TEX14: variants seen among roughly 807,000 people sequenced by gnomAD.
The protein encoded by TEX14 is testis expressed 14, intercellular bridge forming factor.
TEX14 carries 168 observed loss-of-function variants against 178.6 expected under a neutral mutation model. That is an observed-to-expected ratio of 0.94 (90% confidence interval 0.83 to 1.07). The LOEUF is 1.07. TEX14 is among the 50% of genes least tolerant of loss of function. TEX14 has a pLI of 0.00. For missense variants in TEX14, 1,730 were observed against 1,753.6 expected (o/e 0.99, Z 0.24); for synonymous variants, 626 against 634.1 (o/e 0.99, Z 0.19).
intron 19 of TEX14, 33 bp from the exon 20 acceptor site, chr17:58,579,764 AG>A: frequency 6.5e-7 from 1 of 1,546,970 alleles, no homozygotes; most frequent in Non-Finnish European, 8.9e-7. Flanking sequence ...CAAAGAAAGG[AG>A]GTTCACTGGA....
chr17:58,565,650 G>T, intron 27 of TEX14, 97 bp downstream of exon 27: 1 of 804,480 alleles, frequency 1.2e-6, no homozygotes, highest in Non-Finnish European at 2.1e-6. Flanking sequence ...GTGGAGTTGT[G>T]CCTGACCTCA....
intron 2 of TEX14, chr17:58,631,751 C>G (rs868219921): frequency 2.0e-5 from 3 of 151,864 alleles, no homozygotes; most frequent in Admixed American, 2.0e-4. Flanking sequence ...ACAAATATCT[C>G]CCTCTCGCGG....
intron 15 of TEX14, among the ~76,000 whole-genome samples, chr17:58,589,130 G>A (rs2045056976): frequency 6.6e-6 from 1 of 152,118 alleles, no homozygotes; most frequent in African/African-American, 2.4e-5. Context: ...GGGCATGGTG[G>A]TGCATGCCTG....
At position 58,611,325 on chromosome 17, in the gene TEX14, T is replaced by TG; in HGVS notation, c.1019dup (p.Val341SerfsTer16). On this transcript the variant is annotated frameshift_variant, in exon 10 of 32. Coordinates refer to ENST00000349033, the MANE Select transcript of TEX14 (RefSeq NM_031272.5). LOFTEE classifies it high-confidence loss of function. ...GCACAATCACCTCCATGTGCAGCAC[T>TG]GGGAACTGGGACCGCTGCAAGCAAG... The TG allele has an allele frequency of 1.2e-6, 2 of 1,612,338 alleles. No individual in the cohort carries two copies. Among genetic ancestry groups the TG allele is most frequent in the Non-Finnish European group, 1.7e-6 (2 of 1,179,212 alleles).
At chr17:58,580,781 A>G (rs2144394994) in intron 19 of TEX14, among the ~76,000 whole-genome samples, 1 of 152,348 alleles carries the variant, frequency 6.6e-6, no homozygotes, top group East Asian at 1.9e-4. Flanking sequence ...TACAAATGAA[A>G]ATACTCTGTA....
At chr17:58,630,118 G>A (rs905418612) in intron 3 of TEX14, among the ~76,000 whole-genome samples, 5 of 151,054 alleles carry the variant, frequency 3.3e-5, no homozygotes, top group African/African-American at 7.3e-5. Context: ...GTACAATGGC[G>A]CGATCTCGGC....
chr17:58,659,149 G>A (rs768485806), intron 1 of TEX14, among the ~76,000 whole-genome samples: 48 of 150,934 alleles, frequency 3.2e-4, no homozygotes, highest in African/African-American at 8.6e-4. Flanking sequence ...TCAATCACAG[G>A]ACAGAAAAGC....
At chr17:58,683,137 C>T (rs2143570946) in intron 1 of TEX14, among the ~76,000 whole-genome samples, 1 of 151,026 alleles carries the variant, frequency 6.6e-6, no homozygotes, top group East Asian at 2.0e-4. Context: ...GTTTGGGAGG[C>T]TGAGGCGGGT....
intron 5 of TEX14, among the ~76,000 whole-genome samples, chr17:58,619,950 G>A (rs1017809836): frequency 1.3e-5 from 2 of 152,050 alleles, no homozygotes; most frequent in African/African-American, 4.8e-5. Context: ...TTTACACTTG[G>A]GTTTTCCTTT....
chr17:58,601,982 G>T, intron 12 of TEX14, 26 bp from the exon 13 acceptor site: 1 of 1,611,122 alleles, frequency 6.2e-7, no homozygotes, highest in East Asian at 2.2e-5. Flanking sequence ...TATTGTCAAG[G>T]ACATAGTCTC....
chr17:58,655,328 C>A lies in TEX14; in HGVS notation c.-1-3326G>T, dbSNP rs567726084. 4.8e-4 allele frequency among the ~76,000 whole-genome samples: 73 copies of A among 152,024 alleles called. 4 individuals carry two copies. In the South Asian group the frequency reaches 0.015, roughly 31 times the overall value. ...CCTCCCGAGTAGCTAGGCCTACAGGCACGCACCACAATGCCCAGCTAATTT... is the reference window on the plus strand; with the variant it reads ...CCTCCCGAGTAGCTAGGCCTACAGGAACGCACCACAATGCCCAGCTAATTT... On this transcript the variant is annotated intron_variant, in intron 1 of 31. Transcript: ENST00000349033.
intron 3 of TEX14, 88 bp downstream of exon 3, chr17:58,630,352 G>A (rs904580437): frequency 1.4e-5 from 15 of 1,051,476 alleles, no homozygotes; most frequent in South Asian, 5.5e-5. Context: ...CACCGCACCC[G>A]GCCAAACGTT....
At chr17:58,589,630 T>G (rs892091891) in intron 15 of TEX14, among the ~76,000 whole-genome samples, 37 of 144,702 alleles carry the variant, frequency 2.6e-4, no homozygotes, top group African/African-American at 9.5e-4. Flanking sequence ...AATGCCCTAC[T>G]CTCCAGCTGG....
At chr17:58,680,665 G>A (rs916501348) in intron 1 of TEX14, among the ~76,000 whole-genome samples, 1 of 152,004 alleles carries the variant, frequency 6.6e-6, no homozygotes, top group African/African-American at 2.4e-5. Context: ...GAACCTAGGA[G>A]ATGGAGGTTG....
At chr17:58,652,039 A>C (rs2046849753) in intron 1 of TEX14, 37 bp from the exon 2 acceptor site, 15 of 1,460,634 alleles carry the variant, frequency 1.0e-5, no homozygotes, top group Non-Finnish European at 1.4e-5. Context: ...ATTTTAACTG[A>C]ACCAGAAATG....
chr17:58,659,024 C>CGT (rs2047030050), intron 1 of TEX14, among the ~76,000 whole-genome samples: 2 of 150,386 alleles, frequency 1.3e-5, no homozygotes, highest in Admixed American at 1.3e-4. Flanking sequence ...TAAAACAGAC[C>CGT]GTAACCTAAG....
intron 6 of TEX14, among the ~76,000 whole-genome samples, chr17:58,616,792 T>C (rs1004114635): frequency 6.6e-5 from 10 of 152,234 alleles, no homozygotes; most frequent in African/African-American, 2.4e-4. Context: ...CTTTTGTTCT[T>C]TTCCCTGAAG....
At chr17:58,587,445 A>G (rs1332422937) in intron 17 of TEX14, 136 bp downstream of exon 17, 1 of 529,436 alleles carries the variant, frequency 1.9e-6, no homozygotes, top group African/African-American at 2.0e-5. Flanking sequence ...GAAATATAAT[A>G]AAAGAAAAAA....
chr17:58,585,518 T>G (rs2044934909), intron 18 of TEX14, among the ~76,000 whole-genome samples: 1 of 151,826 alleles, frequency 6.6e-6, no homozygotes, highest in Non-Finnish European at 1.5e-5. Flanking sequence ...CACAGCTCAC[T>G]GCAACCTCCA....
Sources: allele counts gnomAD v4.1 joint callset (sites outside exome capture counted in the v4.1 genomes callset), GRCh38; gene constraint gnomAD v4.1.1; transcripts MANE v1.5; gene names NCBI Gene and HGNC (gene_info 2026-07-23, HGNC 2026-07-21).